Variants in EXOC4 observed in about 807,000 individuals in gnomAD.
The protein encoded by EXOC4 is SEC8-like 1.
EXOC4 carries 71 observed loss-of-function variants against 107.2 expected under a neutral mutation model. The ratio of observed to expected loss-of-function variants is 0.66; its 90% confidence interval spans 0.55 to 0.81. The LOEUF (loss-of-function observed/expected upper bound fraction) is 0.81, where lower values mean the gene tolerates loss of function less well. Ranked by LOEUF, EXOC4 falls within the 30% of genes least tolerant of loss-of-function variation. The probability of loss-of-function intolerance (pLI) is 0.00; values close to 1 mark genes in which losing one functional copy is unlikely to be tolerated. For synonymous variants in EXOC4, 456 were observed against 441.2 expected, an observed-to-expected ratio of 1.03 and a Z score of -0.42; for missense variants, 1,108 against 1,189.6, an observed-to-expected ratio of 0.93 and a Z score of 1.01.
intron 14 of EXOC4, among the ~76,000 whole-genome samples, chr7:133,992,021 T>C (rs1794273074): frequency 6.6e-6 from 1 of 152,198 alleles, no homozygotes; most frequent in South Asian, 2.1e-4. Context: ...AGGGATTGCA[T>C]TGAATCTGTA....
chr7:133,331,331 A>G (rs956018028), intron 5 of EXOC4, among the ~76,000 whole-genome samples: 4 of 152,234 alleles, frequency 2.6e-5, no homozygotes, highest in African/African-American at 9.6e-5. Flanking sequence ...ATCTCTATAA[A>G]TCAATAAAAC....
intron 17 of EXOC4, among the ~76,000 whole-genome samples, chr7:134,061,972 T>A (rs1193569439): frequency 6.6e-6 from 1 of 152,218 alleles, no homozygotes; most frequent in African/African-American, 2.4e-5. Flanking sequence ...GATCTGGCAC[T>A]GGGGTCTCAC....
At chr7:133,633,117 C>T (rs1418030934) in intron 10 of EXOC4, among the ~76,000 whole-genome samples, 1 of 152,172 alleles carries the variant, frequency 6.6e-6, no homozygotes, top group African/African-American at 2.4e-5. Flanking sequence ...GCAAGCTCCT[C>T]TCTTGGTAGC....
At chr7:133,598,732 C>T (rs1221381034) in intron 9 of EXOC4, among the ~76,000 whole-genome samples, 2 of 151,966 alleles carry the variant, frequency 1.3e-5, no homozygotes, top group Admixed American at 1.3e-4. Context: ...ACCTGTAATC[C>T]CAGCACTGGG....
intron 11 of EXOC4, among the ~76,000 whole-genome samples, chr7:133,854,112 A>T (rs1798297498): frequency 6.6e-6 from 1 of 152,068 alleles, no homozygotes; most frequent in Admixed American, 6.6e-5. Context: ...GCACAGGGAG[A>T]GAGGGAGTGT....
intron 11 of EXOC4, among the ~76,000 whole-genome samples, chr7:133,851,012 C>A (rs1024154778): frequency 6.6e-6 from 1 of 152,162 alleles, no homozygotes; most frequent in African/African-American, 2.4e-5. Flanking sequence ...TGGTTACTTT[C>A]CCCTGGAAAA....
chr7:134,073,205 CAAAAAAAAA>C, the EXOC4 span, among the ~76,000 whole-genome samples: 5 of 22,586 alleles, frequency 2.2e-4, no homozygotes, highest in African/African-American at 7.2e-4. Flanking sequence ...GACTTCCTCT[CAAAAAAAAA>C]AAAAAAAAAA....
chr7:133,672,083 T>C (rs1673909105), intron 10 of EXOC4, among the ~76,000 whole-genome samples: 1 of 152,166 alleles, frequency 6.6e-6, no homozygotes. Context: ...TGTGTGGATA[T>C]TGAGCACTTA....
intron 11 of EXOC4, among the ~76,000 whole-genome samples, chr7:133,823,863 A>ATTT (rs1414523210): frequency 5.9e-5 from 1 of 17,046 alleles, no homozygotes; most frequent in Non-Finnish European, 8.8e-5. Flanking sequence ...ATATATATAT[A>ATTT]TATATATATT....
chr7:134,003,361 G>C (rs1308415548), intron 15 of EXOC4, among the ~76,000 whole-genome samples: 1 of 152,140 alleles, frequency 6.6e-6, no homozygotes, highest in African/African-American at 2.4e-5. Context: ...TCTGTAATTT[G>C]GTTCTGGTGG....
At chr7:133,853,938 G>A (rs978417526) in intron 11 of EXOC4, among the ~76,000 whole-genome samples, 2 of 152,166 alleles carry the variant, frequency 1.3e-5, no homozygotes, top group Non-Finnish European at 2.9e-5. Context: ...CACGAACAAG[G>A]TTTCAGCAGT....
At chr7:133,685,099 A>C (rs1794268005) in intron 10 of EXOC4, among the ~76,000 whole-genome samples, 1 of 152,202 alleles carries the variant, frequency 6.6e-6, no homozygotes, top group Non-Finnish European at 1.5e-5. Context: ...CACAACCCCC[A>C]ATCATAGAAA....
chr7:133,654,859 C>T lies in EXOC4; in HGVS notation c.1514+24718C>T, dbSNP rs371978538. On this transcript the variant is annotated intron_variant, in intron 10 of 17. Coordinates refer to ENST00000253861, the MANE Select transcript of EXOC4 (RefSeq NM_021807.4). ...CTCAACAGCAGGTTACTGTTCTGAA[C>T]ATTATAGGCAGTTGCAACACAATGG... 1.7e-4 allele frequency among the ~76,000 whole-genome samples: 26 copies of T among 152,264 alleles called. No individual in the cohort carries two copies. The East Asian group carries it at 3.1e-3, about 18-fold the overall frequency.
intron 6 of EXOC4, among the ~76,000 whole-genome samples, chr7:133,363,310 C>T (rs918383702): frequency 1.3e-5 from 2 of 152,070 alleles, no homozygotes; most frequent in Admixed American, 6.5e-5. Flanking sequence ...ACATATGGGA[C>T]TTGTTACTCC....
At chr7:133,645,855 G>A (rs1802977324) in intron 10 of EXOC4, among the ~76,000 whole-genome samples, 1 of 152,166 alleles carries the variant, frequency 6.6e-6, no homozygotes, top group South Asian at 2.1e-4. Context: ...ATGTAAAGAG[G>A]ACTAGTTTTT....
At chr7:133,492,870 G>T (rs2881190) in intron 9 of EXOC4, among the ~76,000 whole-genome samples, 150,148 of 150,518 alleles carry the variant, frequency 1, 74,889 homozygotes, top group Middle Eastern at 1. Context: ...TTTTTTTTTT[G>T]GAATCTCATT....
chr7:134,091,408 G>A, the EXOC4 span, among the ~76,000 whole-genome samples: 1 of 152,128 alleles, frequency 6.6e-6, no homozygotes, highest in Non-Finnish European at 1.5e-5. Context: ...AATGACCAAA[G>A]GTCACTCTTC....
At chr7:133,753,203 T>C (rs1486254823) in intron 10 of EXOC4, among the ~76,000 whole-genome samples, 1 of 152,218 alleles carries the variant, frequency 6.6e-6, no homozygotes, top group African/African-American at 2.4e-5. Flanking sequence ...ATAGAAAACT[T>C]GATCCATTAG....
chr7:133,282,244 C>A (rs1178088155), intron 2 of EXOC4, among the ~76,000 whole-genome samples: 1 of 152,120 alleles, frequency 6.6e-6, no homozygotes, highest in African/African-American at 2.4e-5. Context: ...CCTCTTGGGC[C>A]CTGTTTTCTT....
Sources: gnomAD v4.1 joint callset for allele counts (sites outside exome capture counted in the v4.1 genomes callset) on GRCh38, gnomAD v4.1.1 for gene constraint, MANE v1.5 for transcripts, NCBI Gene and HGNC (gene_info 2026-07-23, HGNC 2026-07-21) for gene names.